The following AMPH variants were observed in gnomAD, a reference collection of about 807,000 sequenced individuals.
The protein encoded by AMPH is amphiphysin (Stiff-Mann syndrome with breast cancer 128kD autoantigen).
AMPH carries 49 observed loss-of-function variants against 99.1 expected under a neutral mutation model. That is an observed-to-expected ratio of 0.49 (90% CI 0.39 to 0.63). AMPH has a LOEUF of 0.63. AMPH is among the 20% of genes least tolerant of loss of function. AMPH has a pLI of 0.00. For synonymous variants in AMPH, 314 were observed against 317.3 expected (o/e 0.99, Z 0.11); for missense variants, 759 against 863.4 (o/e 0.88, Z 1.52).
At chr7:38,463,296 C>T in intron 9 of AMPH, 183 bp from the exon 10 acceptor site, 2 of 775,142 alleles carry the variant, frequency 2.6e-6, no homozygotes, top group Non-Finnish European at 2.2e-6. Context: ...CATTTATTTG[C>T]ACTACAGAGA....
At chr7:38,480,715 G>A (rs940394547) in intron 5 of AMPH, among the ~76,000 whole-genome samples, 1 of 152,078 alleles carries the variant, frequency 6.6e-6, no homozygotes, top group African/African-American at 2.4e-5. Context: ...CCTTCAATTA[G>A]GTATGGTGAA....
Position 38,384,147 on chromosome 7 carries a change from C to G in AMPH, c.*671G>C, listed in dbSNP as rs1784288805. Reference sequence around the variant, plus strand: ...TGGCTGGTTTTGCCATTAGGCAAAACTGCAATTGTAATGCCAGACAGAATA... The same window carrying G: ...TGGCTGGTTTTGCCATTAGGCAAAAGTGCAATTGTAATGCCAGACAGAATA... On this transcript the variant is annotated 3_prime_UTR_variant, in exon 21 of 21. Coordinates refer to ENST00000356264, the MANE Select transcript of AMPH (RefSeq NM_001635.4). The G allele has an allele frequency of 6.6e-6, 1 of 152,302 alleles. No homozygotes were observed. Among genetic ancestry groups the G allele is most frequent in the Non-Finnish European group, 1.5e-5 (1 of 68,112 alleles). 9.4% of individuals were successfully genotyped at this position (152,302 alleles called of 1,614,324 possible).
At chr7:38,390,073 C>T (rs576514514) in intron 19 of AMPH, among the ~76,000 whole-genome samples, 168 bp from the exon 20 acceptor site, 1 of 152,238 alleles carries the variant, frequency 6.6e-6, no homozygotes, top group African/African-American at 2.4e-5. Context: ...TGATATGAGG[C>T]CATTCATATG....
At chr7:38,408,821 C>T (rs144303760) in intron 17 of AMPH, among the ~76,000 whole-genome samples, 1 of 151,580 alleles carries the variant, frequency 6.6e-6, no homozygotes, top group Non-Finnish European at 1.5e-5. Flanking sequence ...TTATTTTGTC[C>T]TGTATTTGTT....
chr7:38,491,040 A>T lies in AMPH; in HGVS notation c.396+10T>A. The T allele has an allele frequency of 1.3e-6, 2 of 1,575,158 alleles. No individual in the cohort carries two copies. The highest frequency in any genetic ancestry group is 1.7e-6 in the Non-Finnish European group (2 of 1,145,132). On this transcript the variant is annotated intron_variant, in intron 5 of 20. Coordinates refer to ENST00000356264, the MANE Select transcript of AMPH (RefSeq NM_001635.4). ...TCAATCCTTCCCTTTATAGACACAG[A>T]GTAAAATACCTTTATGTCAGGAAAT... is the stretch of plus-strand genomic sequence containing the variant.
At chr7:38,538,878 T>C (rs1042687959) in intron 1 of AMPH, among the ~76,000 whole-genome samples, 3 of 152,158 alleles carry the variant, frequency 2.0e-5, no homozygotes, top group Non-Finnish European at 4.4e-5. Flanking sequence ...GACAGCTCTG[T>C]GGCATCCAGG....
intron 1 of AMPH, among the ~76,000 whole-genome samples, chr7:38,569,648 C>G (rs1190301337): frequency 6.6e-6 from 1 of 151,782 alleles, no homozygotes; most frequent in Non-Finnish European, 1.5e-5. Context: ...AAGAAATTTT[C>G]AAGGAAGTTA....
chr7:38,566,595 T>A (rs1791753472), intron 1 of AMPH, among the ~76,000 whole-genome samples: 1 of 152,052 alleles, frequency 6.6e-6, no homozygotes, highest in Admixed American at 6.6e-5. Flanking sequence ...GAAACTATCA[T>A]CAGAGTGAAC....
At chr7:38,568,873 A>G (rs1214836591) in intron 1 of AMPH, among the ~76,000 whole-genome samples, 1 of 152,174 alleles carries the variant, frequency 6.6e-6, no homozygotes, top group Admixed American at 6.5e-5. Flanking sequence ...GGGTCTATAA[A>G]CATGTAAGAA....
intron 1 of AMPH, among the ~76,000 whole-genome samples, chr7:38,575,451 G>A (rs1792203353): frequency 6.6e-6 from 1 of 152,138 alleles, no homozygotes; most frequent in Non-Finnish European, 1.5e-5. Context: ...ATCCCCATGT[G>A]TTGGGGGAGG....
chr7:38,609,161 G>A (rs544594781), intron 1 of AMPH, among the ~76,000 whole-genome samples: 19 of 152,210 alleles, frequency 1.2e-4, no homozygotes, highest in African/African-American at 3.6e-4. Context: ...GTTCAGGCTC[G>A]ACTCGGATAA....
At chr7:38,431,341 A>G (rs1786012860) in intron 13 of AMPH, among the ~76,000 whole-genome samples, 1 of 152,194 alleles carries the variant, frequency 6.6e-6, no homozygotes. Flanking sequence ...TAAATGAGAA[A>G]AAAATGATGC....
At chr7:38,403,788 C>T (rs1002900314) in intron 17 of AMPH, among the ~76,000 whole-genome samples, 3 of 152,224 alleles carry the variant, frequency 2.0e-5, no homozygotes, top group African/African-American at 7.2e-5. Flanking sequence ...AGGCCATTTC[C>T]CACTTCCCCC....
chr7:38,506,833 T>C (rs1789343147), intron 2 of AMPH, among the ~76,000 whole-genome samples: 1 of 152,192 alleles, frequency 6.6e-6, no homozygotes, highest in South Asian at 2.1e-4. Flanking sequence ...ACTTCACAGA[T>C]TTCTGCTGCT....
intron 1 of AMPH, among the ~76,000 whole-genome samples, chr7:38,561,652 T>G (rs1022213830): frequency 6.6e-6 from 1 of 152,206 alleles, no homozygotes; most frequent in Non-Finnish European, 1.5e-5. Flanking sequence ...AACTGAATGT[T>G]TGTGTCCCAG....
At chr7:38,387,433 G>C (rs1181971635) in intron 20 of AMPH, among the ~76,000 whole-genome samples, 2 of 152,090 alleles carry the variant, frequency 1.3e-5, no homozygotes, top group East Asian at 3.8e-4. Flanking sequence ...CCAAGAAATG[G>C]AAACCCATAT....
chr7:38,573,395 A>G (rs1385724593), intron 1 of AMPH, among the ~76,000 whole-genome samples: 1 of 152,176 alleles, frequency 6.6e-6, no homozygotes, highest in African/African-American at 2.4e-5. Flanking sequence ...ACATACATAC[A>G]CTCCTATGAG....
chr7:38,492,505 TTTTG>T (rs1445383318), intron 4 of AMPH, among the ~76,000 whole-genome samples: 1 of 152,232 alleles, frequency 6.6e-6, no homozygotes, highest in Non-Finnish European at 1.5e-5. Flanking sequence ...TAAAATTTGC[TTTTG>T]TTTCTTTCTC....
intron 11 of AMPH, among the ~76,000 whole-genome samples, chr7:38,446,708 A>G (rs1786797490): frequency 6.6e-6 from 1 of 152,170 alleles, no homozygotes; most frequent in Non-Finnish European, 1.5e-5. Flanking sequence ...GATTCTGGTA[A>G]TGGTTTAATA....
Sources: gnomAD v4.1 joint callset for allele counts (sites outside exome capture counted in the v4.1 genomes callset) on GRCh38, gnomAD v4.1.1 for gene constraint, MANE v1.5 for transcripts, NCBI Gene and HGNC (gene_info 2026-07-23, HGNC 2026-07-21) for gene names.